Variants in ASTL observed in about 807,000 individuals in gnomAD.
ASTL encodes astacin-like metalloendopeptidase.
In ASTL, 27 loss-of-function variants were observed where a neutral mutation model predicts 36.7. That is an observed-to-expected ratio of 0.73 (90% CI 0.54 to 1.01). The LOEUF is 1.01. Among genes scored for constraint, ASTL ranks in the 50% least tolerant of loss-of-function variants. ASTL has a pLI of 0.00. For missense variants in ASTL, 524 were observed against 572.8 expected, an observed-to-expected ratio of 0.91 and a Z score of 0.87; for synonymous variants, 222 against 228.1, an observed-to-expected ratio of 0.97 and a Z score of 0.24.
chr2:96,124,690 C>T lies in ASTL; in HGVS notation c.875-419G>A, dbSNP rs1682029973. ...ACTTAATGGCCACATCTAAACCCTG[C>T]ACCGTGCCAGGAGGTAGGTTGGGGC... On this transcript the variant is annotated intron_variant, in intron 8 of 8. Coordinates refer to ENST00000342380, the MANE Select transcript of ASTL (RefSeq NM_001002036.4). The surrounding 1 kb of genome is among the most constrained non-coding windows in gnomAD (Gnocchi z 4.1). Among the ~76,000 whole-genome samples, 1 of 152,182 alleles carries T rather than the reference C, an allele frequency of 6.6e-6. No homozygotes were observed. Among genetic ancestry groups the T allele is most frequent in the South Asian group, 2.1e-4 (1 of 4,836 alleles).
At position 96,123,757 on chromosome 2, in the gene ASTL, G is replaced by T; in HGVS notation, c.*93C>A. 1 of 1,015,040 alleles carries T rather than the reference G, an allele frequency of 9.9e-7. No homozygotes were observed. Among genetic ancestry groups the T allele is most frequent in the Non-Finnish European group, 1.5e-6 (1 of 675,696 alleles). The allele number at this position is 1,015,040 out of a possible 1,614,324, so 62.9% of individuals were successfully genotyped here. ...ATGGGGTGGTAGGTTGGGGCTGGAA[G>T]ACAGTGGTGTGGCCCAAAGGAGCCA... On this transcript the variant is annotated 3_prime_UTR_variant, in exon 9 of 9. Coordinates refer to ENST00000342380, the MANE Select transcript of ASTL (RefSeq NM_001002036.4).
Position 96,132,671 on chromosome 2 carries a change from G to A in ASTL, c.506C>T (p.Ala169Val), listed in dbSNP as rs138165928. 2.7e-4 allele frequency: 432 copies of A among 1,613,024 alleles called. No homozygotes were observed. Among genetic ancestry groups the A allele is most frequent in the East Asian group, 4.0e-4 (18 of 44,880 alleles). Reference sequence around the variant, plus strand: ...CCGGCCCTTCTGGAGACACGTGGGCGCCAGGGAGACCACCTGCATCCCTCC... The same window carrying A: ...CCGGCCCTTCTGGAGACACGTGGGCACCAGGGAGACCACCTGCATCCCTCC... ...RSGGMQVVSL[A>V]PTCLQKGRGI... The change falls in exon 6 of 9, where the codon GCG becomes GTG. Residue 169 changes from alanine to valine, a missense_variant. Physicochemically the swap from Ala to Val is moderately conservative, Grantham distance 64 (BLOSUM62 0). Transcript: ENST00000342380. This position sits in a 1 kb window ranked among gnomAD's most constrained non-coding sequence, Gnocchi z 5.4.
chr2:96,132,498 C>A lies in ASTL; in HGVS notation c.637+42G>T. The A allele has an allele frequency of 6.5e-7, 1 of 1,536,614 alleles. No individual in the cohort carries two copies. The highest frequency in any genetic ancestry group is 1.2e-5 in the South Asian group (1 of 82,132). On this transcript the variant is annotated intron_variant, in intron 6 of 8. Coordinates refer to ENST00000342380, the MANE Select transcript of ASTL (RefSeq NM_001002036.4). This position sits in a 1 kb window ranked among gnomAD's most constrained non-coding sequence, Gnocchi z 5.4. ...CGACTTGGGCCCAAGCCGTGCTGTC[C>A]CCTCCCCGGCACCAGCCTGTCCTGC...
At chr2:96,129,757 T>G in intron 8 of ASTL, 67 bp downstream of exon 8, 3 of 1,438,714 alleles carry the variant, frequency 2.1e-6, no homozygotes, top group Non-Finnish European at 2.8e-6. Context: ...CTTGTCACCC[T>G]CCCTGACACC....
chr2:96,130,702 C>T lies in ASTL; in HGVS notation c.638-557G>A, dbSNP rs1218737094. The stretch of plus-strand genomic sequence containing the variant: ...AGAGGGATTGCTCCCCCAATCCTCC[C>T]AAATCCAGCCAGCCAGCCACGCATA... On this transcript the variant is annotated intron_variant, in intron 6 of 8. Coordinates refer to ENST00000342380, the MANE Select transcript of ASTL (RefSeq NM_001002036.4). Among the ~76,000 whole-genome samples, 3 of 152,306 alleles carry T rather than the reference C, an allele frequency of 2.0e-5. No individual in the cohort carries two copies. In the East Asian group the frequency reaches 5.8e-4, roughly 29 times the overall value.
At chr2:96,135,299 G>A (rs1465276818) in intron 3 of ASTL, 52 bp downstream of exon 3, 3 of 1,538,696 alleles carry the variant, frequency 1.9e-6, no homozygotes, top group Non-Finnish European at 2.7e-6. Flanking sequence ...CAGAGGACCT[G>A]TCGCCAACTG....
intron 8 of ASTL, among the ~76,000 whole-genome samples, chr2:96,129,448 C>T (rs1457211959): frequency 1.3e-5 from 2 of 152,250 alleles, no homozygotes; most frequent in Admixed American, 6.5e-5. Context: ...TTCCAATCCT[C>T]GGACCTTTAG....
At chr2:96,135,641 G>T (rs533977328) in intron 2 of ASTL, among the ~76,000 whole-genome samples, 47 of 152,342 alleles carry the variant, frequency 3.1e-4, no homozygotes, top group African/African-American at 1.1e-3. Flanking sequence ...CACCCTGTGC[G>T]GACTGTCTGC....
intron 3 of ASTL, among the ~76,000 whole-genome samples, chr2:96,134,615 G>A (rs1013520660): frequency 2.0e-5 from 3 of 152,162 alleles, no homozygotes; most frequent in South Asian, 2.1e-4. Flanking sequence ...CCGGGTGGTC[G>A]CACACCACCT....
rs1223851664 is a variant in ASTL, at chr2:96,132,416, C to T, written c.637+124G>A. On this transcript the variant is annotated intron_variant, in intron 6 of 8. Transcript: ENST00000342380. The surrounding 1 kb of genome is among the most constrained non-coding windows in gnomAD (Gnocchi z 5.4). ...GACAGAAGTGAGACCCCCACCTTCC[C>T]CACAGGAAGCAGGCAGGTGATGGGG... 1 of 870,592 alleles carries T rather than the reference C, an allele frequency of 1.1e-6. No homozygotes were observed. Among genetic ancestry groups the T allele is most frequent in the East Asian group, 2.8e-5 (1 of 35,512 alleles). The allele number at this position is 870,592 out of a possible 1,614,324, so 53.9% of individuals were successfully genotyped here. A position where few individuals can be genotyped will look rare whatever the true frequency, so the allele number is the denominator to read the frequency against.
chr2:96,134,611 G>A (rs536044983), intron 3 of ASTL, among the ~76,000 whole-genome samples: 2 of 152,334 alleles, frequency 1.3e-5, no homozygotes, highest in South Asian at 4.1e-4. Context: ...TGCTCCGGGT[G>A]GTCGCACACC....
intron 8 of ASTL, among the ~76,000 whole-genome samples, chr2:96,128,135 C>T (rs1296747941): frequency 1.3e-5 from 2 of 150,970 alleles, no homozygotes; most frequent in Admixed American, 6.6e-5. Flanking sequence ...GGGAGGCTGA[C>T]GCAGGAGAAT....
Position 96,124,581 on chromosome 2 carries a change from G to C in ASTL, c.875-310C>G, listed in dbSNP as rs542952288. 6.6e-6 allele frequency among the ~76,000 whole-genome samples: 1 copy of C among 152,006 alleles called. No individual in the cohort carries two copies. The highest frequency in any genetic ancestry group is 2.1e-4 in the South Asian group (1 of 4,798). ...CCCAGCACCAAAGCGCCCACCTTCC[G>C]GACCCTTCACCCAGGTTGTTCTGCC... On this transcript the variant is annotated intron_variant, in intron 8 of 8. Coordinates refer to ENST00000342380, the MANE Select transcript of ASTL (RefSeq NM_001002036.4). This position sits in a 1 kb window ranked among gnomAD's most constrained non-coding sequence, Gnocchi z 4.1.
At chr2:96,133,588 T>C (rs1230676807) in intron 4 of ASTL, 46 bp from the exon 5 acceptor site, 5 of 1,391,976 alleles carry the variant, frequency 3.6e-6, no homozygotes, top group Middle Eastern at 1.9e-4. Context: ...TGGTGGTCTT[T>C]GAGCTCTACC....
Position 96,129,936 on chromosome 2 carries a change from A to G in ASTL, c.762T>C (p.Leu254=), listed in dbSNP as rs750652600. Residue 254 remains leucine (L), a synonymous_variant, in exon 8 of 9, where the codon CTT becomes CTC. Coordinates refer to ENST00000342380, the MANE Select transcript of ASTL (RefSeq NM_001002036.4). ...SRRGLPTITP[L]WAPSVHIGQR... is the part of the protein sequence containing the mutation. ...GGCCGATGTGGACACTGGGGGCCCAAAGTGGTGTGATGGTGGGCAGCCCAC... is the reference window on the plus strand; with the variant it reads ...GGCCGATGTGGACACTGGGGGCCCAGAGTGGTGTGATGGTGGGCAGCCCAC... The G allele has an allele frequency of 3.1e-6, 5 of 1,606,046 alleles. No homozygotes were observed. The South Asian group carries it at 5.5e-5, about 18-fold the overall frequency.
chr2:96,138,253 G>A (rs1487290854), intron 1 of ASTL, 129 bp downstream of exon 1: 2 of 884,918 alleles, frequency 2.3e-6, no homozygotes, highest in African/African-American at 1.7e-5. Flanking sequence ...GAATAACCCT[G>A]GAGAGCTCTG....
chr2:96,130,659 C>T (rs1392580860), intron 6 of ASTL, among the ~76,000 whole-genome samples: 1 of 152,216 alleles, frequency 6.6e-6, no homozygotes, highest in Non-Finnish European at 1.5e-5. Context: ...CCCCCTCACT[C>T]AAGTCCCCCA....
At chr2:96,136,476 G>A (rs1682301353) in intron 2 of ASTL, among the ~76,000 whole-genome samples, 1 of 152,250 alleles carries the variant, frequency 6.6e-6, no homozygotes, top group South Asian at 2.1e-4. Context: ...CACCGTAGGT[G>A]ATAGGATAGT....
rs1436549699 is a variant in ASTL, at chr2:96,130,062, A to G, written c.719+2T>C. The G allele has an allele frequency of 4.3e-6, 7 of 1,613,572 alleles. No homozygotes were observed. Among genetic ancestry groups the G allele is most frequent in the Non-Finnish European group, 5.9e-6 (7 of 1,179,554 alleles). On this transcript the variant is annotated splice_donor_variant, in intron 7 of 8. Transcript: ENST00000342380. LOFTEE classifies it high-confidence loss of function. ...AGAGGGAGAAGAAGGCAGGGTCCTC[A>G]CCTCCCATAGTGCATCACAGAGGAG...
Sources: allele counts gnomAD v4.1 joint callset (sites outside exome capture counted in the v4.1 genomes callset), GRCh38; gene constraint gnomAD v4.1.1; non-coding constraint Gnocchi (gnomAD v3.1); transcripts MANE v1.5; gene names NCBI Gene and HGNC (gene_info 2026-07-23, HGNC 2026-07-21).